Variants in GALNT17 observed in about 807,000 individuals in gnomAD.
The protein encoded by GALNT17 is UDP-GalNAc:polypeptide N-acetylgalactosaminyltransferase-like 3.
Under a neutral mutation model 63.7 loss-of-function variants are expected in GALNT17, and 29 were observed. The observed-to-expected ratio is 0.46, with a 90% CI of 0.34 to 0.62. GALNT17 has a LOEUF of 0.62. Ranked by LOEUF, GALNT17 falls within the 20% of genes least tolerant of loss-of-function variation. GALNT17 has a pLI of 0.01. For missense variants in GALNT17, 603 were observed against 799.6 expected, an observed-to-expected ratio of 0.75 and a Z score of 2.97; for synonymous variants, 305 against 318.3, an observed-to-expected ratio of 0.96 and a Z score of 0.45.
chr7:71,213,692 A>T (rs1277950118), intron 1 of GALNT17, among the ~76,000 whole-genome samples: 1 of 152,236 alleles, frequency 6.6e-6, no homozygotes, highest in African/African-American at 2.4e-5. Flanking sequence ...ACATGGGATG[A>T]TAATTAAATT....
intron 5 of GALNT17, among the ~76,000 whole-genome samples, chr7:71,498,866 ACT>A (rs1788135926): frequency 6.6e-6 from 1 of 152,164 alleles, no homozygotes; most frequent in Admixed American, 6.5e-5. Flanking sequence ...GTCCTTCCTA[ACT>A]CTGAGATTCT....
chr7:71,509,356 TC>T (rs2116721300), intron 5 of GALNT17, among the ~76,000 whole-genome samples: 1 of 152,306 alleles, frequency 6.6e-6, no homozygotes, highest in African/African-American at 2.4e-5. Flanking sequence ...TCCCCACCCT[TC>T]AGCTTAGGAT....
intron 1 of GALNT17, among the ~76,000 whole-genome samples, chr7:71,215,541 C>T (rs1341321140): frequency 6.6e-6 from 1 of 151,886 alleles, no homozygotes; most frequent in Non-Finnish European, 1.5e-5. Context: ...TAAATGTACC[C>T]CCACAGACCC....
intron 2 of GALNT17, among the ~76,000 whole-genome samples, chr7:71,348,209 C>T (rs962234820): frequency 4.0e-5 from 6 of 151,154 alleles, no homozygotes; most frequent in African/African-American, 1.5e-4. Context: ...GGCAGTGAGC[C>T]AAGATCACAC....
chr7:71,242,240 ATTTC>A (rs753084969), intron 1 of GALNT17, among the ~76,000 whole-genome samples: 1 of 122,694 alleles, frequency 8.2e-6, no homozygotes, highest in African/African-American at 3.1e-5. Flanking sequence ...TAGGGATCAC[ATTTC>A]TTTTTTTTTT....
intron 5 of GALNT17, among the ~76,000 whole-genome samples, chr7:71,459,416 G>C (rs1787412962): frequency 6.6e-6 from 1 of 152,214 alleles, no homozygotes; most frequent in Admixed American, 6.5e-5. Flanking sequence ...TACACATTAA[G>C]ATAAGTTACA....
chr7:71,538,330 A>G (rs1788833040), intron 5 of GALNT17, among the ~76,000 whole-genome samples: 1 of 152,170 alleles, frequency 6.6e-6, no homozygotes, highest in South Asian at 2.1e-4. Flanking sequence ...TCCACGAAAG[A>G]GGAAATAACC....
chr7:71,656,851 G>T (rs541596290), intron 6 of GALNT17, among the ~76,000 whole-genome samples: 75 of 152,250 alleles, frequency 4.9e-4, no homozygotes, highest in Non-Finnish European at 9.7e-4. Context: ...CGGAGGTCGT[G>T]GGGAGAGAGA....
At chr7:71,287,874 A>C (rs1422424077) in intron 1 of GALNT17, among the ~76,000 whole-genome samples, 2 of 152,006 alleles carry the variant, frequency 1.3e-5, no homozygotes, top group African/African-American at 4.8e-5. Context: ...CAACATGGTG[A>C]AACCCCATCT....
chr7:71,505,946 C>G (rs1454749446), intron 5 of GALNT17, among the ~76,000 whole-genome samples: 3 of 152,174 alleles, frequency 2.0e-5, no homozygotes, highest in African/African-American at 7.2e-5. Flanking sequence ...GATTCAGAAG[C>G]CACAGGCCCC....
intron 6 of GALNT17, among the ~76,000 whole-genome samples, chr7:71,644,544 A>AC (rs1790648063): frequency 1.5e-5 from 2 of 137,088 alleles, no homozygotes; most frequent in South Asian, 2.2e-4. Flanking sequence ...AAAAAAAAAA[A>AC]AAAAACAAAA....
intron 6 of GALNT17, among the ~76,000 whole-genome samples, chr7:71,591,127 G>C (rs1196876973): frequency 5.3e-5 from 8 of 152,080 alleles, no homozygotes; most frequent in Admixed American, 5.2e-4. Flanking sequence ...CTTCATCTCG[G>C]CTCACTGCAA....
intron 1 of GALNT17, among the ~76,000 whole-genome samples, chr7:71,328,648 AT>A (rs5884832): frequency 0.47 from 65,507 of 140,378 alleles, 14,765 homozygotes; most frequent in South Asian, 0.54. Flanking sequence ...AATACCAGTG[AT>A]TTTTTTTTTT....
chr7:71,478,088 T>C (rs1787753690), intron 5 of GALNT17, among the ~76,000 whole-genome samples: 1 of 152,208 alleles, frequency 6.6e-6, no homozygotes. Context: ...ATATATATTC[T>C]GGACACTGGA....
chr7:71,422,678 T>C (rs1392256176), intron 5 of GALNT17, among the ~76,000 whole-genome samples: 3 of 152,208 alleles, frequency 2.0e-5, no homozygotes, highest in African/African-American at 7.2e-5. Context: ...GAAGCCCCAG[T>C]GGGCATGTGT....
chr7:71,414,687 G>A (rs549605416), intron 3 of GALNT17, among the ~76,000 whole-genome samples: 3 of 152,308 alleles, frequency 2.0e-5, no homozygotes, highest in African/African-American at 7.2e-5. Context: ...TGCAGGTCAC[G>A]TGGCAGCTAA....
intron 2 of GALNT17, among the ~76,000 whole-genome samples, chr7:71,377,112 A>ATATATATATAT (rs1563047568): frequency 7.0e-5 from 4 of 57,236 alleles, no homozygotes; most frequent in East Asian, 5.6e-4. Context: ...AAAAATAAAA[A>ATATATATATAT]AAATATATAT....
At chr7:71,602,945 TAAG>T in intron 6 of GALNT17, among the ~76,000 whole-genome samples, 1 of 152,168 alleles carries the variant, frequency 6.6e-6, no homozygotes, top group Non-Finnish European at 1.5e-5. Flanking sequence ...GGTACCATGC[TAAG>T]TGCATACACT....
rs750750513 is a variant in GALNT17 at position 71,388,373 on chromosome 7, C to A, written c.561C>A (p.Ile187=). Residue 187 remains isoleucine, a synonymous_variant, in exon 3 of 11, where the codon ATC becomes ATA. Transcript: ENST00000333538. Reference sequence around the variant, plus strand: ...CGCCCACACACCTGCTGAAGGAAATCATTCTGGTGGATGACAACAGCGACG... The same window carrying A: ...CGCCCACACACCTGCTGAAGGAAATAATTCTGGTGGATGACAACAGCGACG... ...NHTPTHLLKE[I]ILVDDNSDEE... is the part of the protein sequence containing the mutation. The A allele has an allele frequency of 1.9e-6, 3 of 1,614,024 alleles. No individual in the cohort carries two copies. The highest frequency in any genetic ancestry group is 2.5e-6 in the Non-Finnish European group (3 of 1,179,978).
Sources: allele counts gnomAD v4.1 joint callset (sites outside exome capture counted in the v4.1 genomes callset), GRCh38; gene constraint gnomAD v4.1.1; transcripts MANE v1.5; gene names NCBI Gene and HGNC (gene_info 2026-07-23, HGNC 2026-07-21).